Variants in RYR2 observed in about 807,000 individuals in gnomAD.
RYR2 encodes the protein ryanodine receptor 2.
Under a neutral mutation model 601.1 loss-of-function variants are expected in RYR2, and 227 were observed. That is an observed-to-expected ratio of 0.38 (90% confidence interval 0.34 to 0.42). The LOEUF is 0.42. RYR2 is among the 10% of genes least tolerant of loss of function. The pLI, the probability that RYR2 is intolerant of heterozygous loss-of-function variation, is 1.00. For synonymous variants in RYR2, 2,223 were observed against 2,175.1 expected (o/e 1.02, Z -0.61); for missense variants, 4,646 against 6,156.5 (o/e 0.75, Z 8.21).
chr1:237,286,190 A>G (rs1691539226), intron 2 of RYR2, among the ~76,000 whole-genome samples: 1 of 151,932 alleles, frequency 6.6e-6, no homozygotes, highest in African/African-American at 2.4e-5. Flanking sequence ...CCACCTTTGC[A>G]GTATTTCAGA....
intron 23 of RYR2, among the ~76,000 whole-genome samples, chr1:237,510,239 A>G (rs1200866282): frequency 6.6e-6 from 1 of 152,060 alleles, no homozygotes; most frequent in African/African-American, 2.4e-5. Flanking sequence ...ATTACAGGAG[A>G]TGTTTTGGTG....
intron 38 of RYR2, among the ~76,000 whole-genome samples, chr1:237,622,723 G>A (rs1679202325): frequency 6.6e-6 from 1 of 152,166 alleles, no homozygotes; most frequent in East Asian, 1.9e-4. Context: ...TGTCAGCACT[G>A]CCTTGGGTAT....
chr1:237,091,805 T>C (rs1666987955), intron 1 of RYR2, among the ~76,000 whole-genome samples: 1 of 152,182 alleles, frequency 6.6e-6, no homozygotes, highest in Non-Finnish European at 1.5e-5. Context: ...ATCCTTGCCC[T>C]TTAAATTCCA....
intron 56 of RYR2, among the ~76,000 whole-genome samples, chr1:237,664,334 GTGAT>G (rs1256279021): frequency 1.3e-5 from 2 of 152,158 alleles, no homozygotes; most frequent in African/African-American, 4.8e-5. Flanking sequence ...AAATAGATCA[GTGAT>G]GAAATGGAAA....
intron 1 of RYR2, among the ~76,000 whole-genome samples, chr1:237,125,913 A>G (rs972695999): frequency 2.0e-5 from 3 of 152,228 alleles, no homozygotes; most frequent in Admixed American, 6.5e-5. Flanking sequence ...AAATGAAAAT[A>G]TCCGTTTTTA....
At chr1:237,087,280 G>A (rs943713627) in intron 1 of RYR2, among the ~76,000 whole-genome samples, 21 of 152,096 alleles carry the variant, frequency 1.4e-4, no homozygotes, top group African/African-American at 3.1e-4. Flanking sequence ...GTGTGTGTTT[G>A]TAGCAACTCT....
chr1:237,775,728 A>G (rs1164763457), intron 87 of RYR2, among the ~76,000 whole-genome samples: 1 of 152,212 alleles, frequency 6.6e-6, no homozygotes, highest in Non-Finnish European at 1.5e-5. Context: ...ACCATGAGGT[A>G]GTTGTTGAGA....
chr1:237,565,919 A>T (rs2148245803), intron 27 of RYR2, among the ~76,000 whole-genome samples: 1 of 152,116 alleles, frequency 6.6e-6, no homozygotes, highest in East Asian at 2.0e-4. Flanking sequence ...CTAATGTTGG[A>T]TGCTGACCTT....
At position 237,627,967 on chromosome 1, in the gene RYR2, T is replaced by C. The variant is rs754249467; in HGVS notation, c.6327T>C (p.Asn2109=). ...CCCTGCCAAAGACCTACACGATAAA[T>C]GGTGTGTCCGTGGAGGACACCATCA... is the stretch of plus-strand genomic sequence containing the variant. ...VRALPKTYTI[N]GVSVEDTINL... The change falls in exon 41 of 105, where the codon AAT becomes AAC. Residue 2109 remains asparagine (N), a synonymous_variant. Transcript: ENST00000366574. 1 of 1,613,868 alleles carries C rather than the reference T, an allele frequency of 6.2e-7. No homozygotes were observed. The highest frequency in any genetic ancestry group is 1.7e-5 in the Admixed American group (1 of 60,000).
chr1:237,415,907 G>A (rs751804674), intron 10 of RYR2, among the ~76,000 whole-genome samples: 21 of 152,120 alleles, frequency 1.4e-4, no homozygotes, highest in Non-Finnish European at 1.8e-4. Flanking sequence ...GGTAAAACGC[G>A]GTTGTCCCTA....
intron 100 of RYR2, among the ~76,000 whole-genome samples, chr1:237,815,505 A>G (rs967891086): frequency 3.3e-5 from 5 of 152,306 alleles, no homozygotes; most frequent in Middle Eastern, 3.4e-3. Flanking sequence ...TAAATTTGGT[A>G]ATTTATTAAG....
intron 2 of RYR2, among the ~76,000 whole-genome samples, chr1:237,296,650 C>A (rs774301622): frequency 1.3e-4 from 20 of 152,086 alleles, no homozygotes; most frequent in Non-Finnish European, 2.6e-4. Flanking sequence ...TCTAAGGAGA[C>A]GTCAGGGCTG....
intron 2 of RYR2, among the ~76,000 whole-genome samples, chr1:237,286,388 T>G (rs1177972332): frequency 6.6e-6 from 1 of 151,892 alleles, no homozygotes. Context: ...AGGGATTGCT[T>G]GATATAATTT....
intron 98 of RYR2, among the ~76,000 whole-genome samples, chr1:237,802,801 C>T (rs1294761162): frequency 6.6e-6 from 1 of 152,220 alleles, no homozygotes; most frequent in Non-Finnish European, 1.5e-5. Flanking sequence ...TTTGCATAGC[C>T]CACTTTTGCC....
At chr1:237,130,122 T>C (rs1011614308) in intron 1 of RYR2, among the ~76,000 whole-genome samples, 1 of 151,984 alleles carries the variant, frequency 6.6e-6, no homozygotes, top group African/African-American at 2.4e-5. Context: ...AAAATAGGTA[T>C]GTGAGGTGAT....
chr1:237,617,940 G>T (rs1678654615), intron 38 of RYR2, among the ~76,000 whole-genome samples: 1 of 152,084 alleles, frequency 6.6e-6, no homozygotes, highest in African/African-American at 2.4e-5. Context: ...TACCCCCAAA[G>T]TCAGGTCTCC....
chr1:237,416,942 C>G, intron 10 of RYR2, 107 bp from the exon 11 acceptor site: 1 of 875,402 alleles, frequency 1.1e-6, no homozygotes, highest in East Asian at 2.6e-5. Context: ...TAACTGTTTA[C>G]TCACAGGCCA....
In RYR2 at chr1:237,569,161, A is replaced by G; in HGVS notation, c.3440A>G (p.Gln1147Arg). The change falls in exon 29 of 105, where the codon CAG (glutamine) becomes CGG (arginine). Residue 1147 changes from glutamine to arginine, a missense_variant. This residue lies in a region of RYR2 where 1,807 missense variants were observed against 2,088.1 expected (regional missense o/e 0.87). Coordinates refer to ENST00000366574, the MANE Select transcript of RYR2 (RefSeq NM_001035.3). ...TCTGTATAGGCCCAGCGGTGGCATCAGGGCAATGAACACTATGGGCGCTCT... is the reference window on the plus strand; with the variant it reads ...TCTGTATAGGCCCAGCGGTGGCATCGGGGCAATGAACACTATGGGCGCTCT... ...FDGFKAQRWHQGNEHYGRSWQ... is the reference protein window; with the variant it reads ...FDGFKAQRWHRGNEHYGRSWQ... The G allele has an allele frequency of 6.2e-7, 1 of 1,613,580 alleles. No homozygotes were observed. Among genetic ancestry groups the G allele is most frequent in the Non-Finnish European group, 8.5e-7 (1 of 1,179,678 alleles).
intron 16 of RYR2, among the ~76,000 whole-genome samples, chr1:237,461,462 A>T (rs1033316184): frequency 1.3e-5 from 2 of 152,062 alleles, no homozygotes; most frequent in Non-Finnish European, 2.9e-5. Context: ...CAGCAACCAG[A>T]TGTTGCTGGT....
Sources: allele counts gnomAD v4.1 joint callset (sites outside exome capture counted in the v4.1 genomes callset), GRCh38; gene constraint gnomAD v4.1.1; regional missense constraint gnomAD v4.1.1; transcripts MANE v1.5; gene names NCBI Gene and HGNC (gene_info 2026-07-23, HGNC 2026-07-21).